Variants in ZMAT4 observed in about 807,000 individuals in gnomAD.
ZMAT4 encodes the protein zinc finger matrin-type 4, also known as zinc finger matrin-type protein 4.
Under a neutral mutation model 28.7 loss-of-function variants are expected in ZMAT4, and 17 were observed. The observed-to-expected ratio is 0.59, with a 90% CI of 0.41 to 0.89. ZMAT4 has a LOEUF of 0.89. ZMAT4 is among the 40% of genes least tolerant of loss of function. The probability of loss-of-function intolerance (pLI) is 0.00; values close to 1 mark genes in which losing one functional copy is unlikely to be tolerated. For synonymous variants in ZMAT4, 117 were observed against 109.2 expected (o/e 1.07, Z -0.44); for missense variants, 240 against 283.8 (o/e 0.85, Z 1.11).
chr8:40,692,365 T>A (rs2150489599), intron 4 of ZMAT4, among the ~76,000 whole-genome samples: 3 of 152,340 alleles, frequency 2.0e-5, no homozygotes, highest in Middle Eastern at 6.8e-3. Context: ...ATTGCACTCA[T>A]ATCCATTTTT....
At chr8:40,620,114 A>G (rs1001018461) in intron 5 of ZMAT4, among the ~76,000 whole-genome samples, 1 of 152,182 alleles carries the variant, frequency 6.6e-6, no homozygotes, top group African/African-American at 2.4e-5. Context: ...TAGGGTTCTC[A>G]GAGATCCTGA....
At chr8:40,793,129 T>C (rs1329645181) in intron 2 of ZMAT4, among the ~76,000 whole-genome samples, 1 of 152,168 alleles carries the variant, frequency 6.6e-6, no homozygotes, top group African/African-American at 2.4e-5. Flanking sequence ...GTGGGCTCAT[T>C]AATTGCAGCA....
At chr8:40,534,713 C>T (rs1050410363) in intron 6 of ZMAT4, among the ~76,000 whole-genome samples, 4 of 136,364 alleles carry the variant, frequency 2.9e-5, no homozygotes, top group Non-Finnish European at 4.6e-5. Flanking sequence ...GACTGAGTCA[C>T]GCTTTGTCGC....
At chr8:40,717,678 A>C (rs1810916173) in intron 3 of ZMAT4, among the ~76,000 whole-genome samples, 2 of 152,238 alleles carry the variant, frequency 1.3e-5, no homozygotes, top group East Asian at 3.9e-4. Context: ...CAAACAAAAA[A>C]ATTAATTTAA....
chr8:40,661,440 A>G (rs1221062425), intron 5 of ZMAT4, among the ~76,000 whole-genome samples: 2 of 152,220 alleles, frequency 1.3e-5, no homozygotes, highest in Admixed American at 6.5e-5. Flanking sequence ...TAGTAAACAA[A>G]TACGTCAATA....
At chr8:40,629,007 C>CT (rs55887019) in intron 5 of ZMAT4, among the ~76,000 whole-genome samples, 80,307 of 144,980 alleles carry the variant, frequency 0.55, 23,024 homozygotes, top group East Asian at 0.69. Context: ...GCTTTCTTTT[C>CT]TTTTTTTTTT....
intron 5 of ZMAT4, among the ~76,000 whole-genome samples, chr8:40,661,633 T>C (rs550903684): frequency 2.8e-4 from 42 of 152,322 alleles, no homozygotes; most frequent in African/African-American, 8.9e-4. Context: ...AACAAAATAG[T>C]TTCCCATTTG....
At chr8:40,614,520 T>TCTCCCATTATTAATAA (rs1805924595) in intron 5 of ZMAT4, among the ~76,000 whole-genome samples, 1 of 152,098 alleles carries the variant, frequency 6.6e-6, no homozygotes, top group African/African-American at 2.4e-5. Flanking sequence ...ATGTTGACAG[T>TCTCCCATTATTAATAA]GGGGTGTTAA....
intron 3 of ZMAT4, among the ~76,000 whole-genome samples, chr8:40,744,448 AGCATCTTAAATAAGG>A (rs1430257282): frequency 6.6e-6 from 1 of 152,194 alleles, no homozygotes; most frequent in Non-Finnish European, 1.5e-5. Flanking sequence ...CCTGCTCTTC[AGCATCTTAAATAAGG>A]GCATCTTAAA....
intron 1 of ZMAT4, among the ~76,000 whole-genome samples, chr8:40,864,559 G>T (rs1342711382): frequency 6.6e-6 from 1 of 152,154 alleles, no homozygotes; most frequent in African/African-American, 2.4e-5. Context: ...TACCCTGTGT[G>T]GCCTGGGTAC....
intron 2 of ZMAT4, among the ~76,000 whole-genome samples, chr8:40,799,108 TAGAG>T (rs750242558): frequency 6.7e-5 from 10 of 148,910 alleles, no homozygotes; most frequent in African/African-American, 2.2e-4. Context: ...GATGGATTAA[TAGAG>T]AGAGAGAGAG....
chr8:40,783,279 A>G (rs1813920612), intron 2 of ZMAT4, among the ~76,000 whole-genome samples: 1 of 152,234 alleles, frequency 6.6e-6, no homozygotes. Flanking sequence ...GAAATATTAC[A>G]CTACGTGACA....
chr8:40,732,117 T>C (rs1406561372), intron 3 of ZMAT4, among the ~76,000 whole-genome samples: 1 of 151,992 alleles, frequency 6.6e-6, no homozygotes, highest in Non-Finnish European at 1.5e-5. Context: ...TTTTATCAGA[T>C]GGAGAGAGTT....
At chr8:40,746,772 T>C (rs971920151) in intron 3 of ZMAT4, among the ~76,000 whole-genome samples, 2 of 152,340 alleles carry the variant, frequency 1.3e-5, no homozygotes, top group Middle Eastern at 3.4e-3. Flanking sequence ...ATATTGGTCA[T>C]GCTAGCCTTT....
At chr8:40,801,352 A>ATATATATATATATATATATATATATC (rs1814833250) in intron 2 of ZMAT4, among the ~76,000 whole-genome samples, 1 of 72,146 alleles carries the variant, frequency 1.4e-5, no homozygotes, top group African/African-American at 4.6e-5. Flanking sequence ...AAAAAAAAAA[A>ATATATATATATATATATATATATATC]TATATATATA....
chr8:40,807,420 G>A (rs1815133656), intron 2 of ZMAT4, among the ~76,000 whole-genome samples: 1 of 152,080 alleles, frequency 6.6e-6, no homozygotes. Flanking sequence ...CTCCAGCCTG[G>A]GTGACAGAGC....
intron 1 of ZMAT4, 122 bp from the exon 2 acceptor site, chr8:40,825,802 T>C (rs752321699): frequency 1.4e-6 from 1 of 694,156 alleles, no homozygotes; most frequent in Non-Finnish European, 2.4e-6. Context: ...GAGGGGTGGA[T>C]CTCCCTACAC....
chr8:40,668,001 C>T (rs1808501038), intron 5 of ZMAT4, among the ~76,000 whole-genome samples: 1 of 152,058 alleles, frequency 6.6e-6, no homozygotes, highest in South Asian at 2.1e-4. Context: ...ATAGGAAAGG[C>T]ATACCTAATA....
intron 6 of ZMAT4, among the ~76,000 whole-genome samples, chr8:40,546,461 CA>C (rs376288124): frequency 6.6e-6 from 1 of 152,226 alleles, no homozygotes; most frequent in Non-Finnish European, 1.5e-5. Context: ...AATTAATAGA[CA>C]AAAAGAAATT....
Sources: gnomAD v4.1 joint callset for allele counts (sites outside exome capture counted in the v4.1 genomes callset) on GRCh38, gnomAD v4.1.1 for gene constraint, MANE v1.5 for transcripts, NCBI Gene and HGNC (gene_info 2026-07-23, HGNC 2026-07-21) for gene names.